The following PKHD1 variants were observed in gnomAD, a reference collection of about 807,000 sequenced individuals.
PKHD1 encodes the protein fibrocystin.
In PKHD1, 291 loss-of-function variants were observed where a neutral mutation model predicts 412.0. The ratio of observed to expected loss-of-function variants is 0.71; its 90% CI spans 0.64 to 0.78. PKHD1 has a LOEUF of 0.78. Among genes scored for constraint, PKHD1 ranks in the 30% least tolerant of loss-of-function variants. The probability of loss-of-function intolerance (pLI) is 0.00; values close to 1 mark genes in which losing one functional copy is unlikely to be tolerated. For synonymous variants in PKHD1, 1,777 were observed against 1,821.5 expected (o/e 0.98, Z 0.62); for missense variants, 4,825 against 4,950.7 (o/e 0.97, Z 0.76).
chr6:51,892,233 A>C (rs915889231), intron 43 of PKHD1, among the ~76,000 whole-genome samples: 4 of 152,210 alleles, frequency 2.6e-5, no homozygotes, highest in African/African-American at 9.7e-5. Flanking sequence ...GTGCTCACCA[A>C]AAGTGACTTT....
At chr6:51,634,648 C>A (rs535179907) in intron 64 of PKHD1, among the ~76,000 whole-genome samples, 1 of 152,246 alleles carries the variant, frequency 6.6e-6, no homozygotes, top group Non-Finnish European at 1.5e-5. Flanking sequence ...TAATGCAAAT[C>A]AATTGCTTTG....
Position 51,870,545 on chromosome 6 carries a change from C to T in PKHD1, c.7445G>A (p.Cys2482Tyr), listed in dbSNP as rs762229397. 1.1e-5 allele frequency: 17 copies of T among 1,611,968 alleles called. No individual in the cohort carries two copies. The East Asian group carries it at 1.8e-4, about 17-fold the overall frequency. ...TTFVNFDLIN[C>Y]VAIRTCSDCS... ...GTCTGAACAGGTTCTAATGGCCACA[C>T]AGTTGATGAGATCAAAATTAACAAA... is the stretch of plus-strand genomic sequence containing the variant. Residue 2482 changes from cysteine (C) to tyrosine (Y), a missense_variant, in exon 47 of 67, where the codon TGT (cysteine) becomes TAT (tyrosine). By Grantham distance (194) the Cys-to-Tyr change is radical. Coordinates refer to ENST00000371117, the MANE Select transcript of PKHD1 (RefSeq NM_138694.4).
intron 11 of PKHD1, among the ~76,000 whole-genome samples, chr6:52,069,123 A>T (rs1810194578): frequency 6.6e-6 from 1 of 152,240 alleles, no homozygotes; most frequent in South Asian, 2.1e-4. Flanking sequence ...TGGATGTTAA[A>T]GTAACTGGAA....
chr6:51,633,813 G>A lies in PKHD1; in HGVS notation c.11507-1090C>T, dbSNP rs188451242. The stretch of plus-strand genomic sequence containing the variant: ...TGGTCCTTATCCTGACTGTGGGGAT[G>A]GTTACATGGATCTATACATGTATTT... On this transcript the variant is annotated intron_variant, in intron 64 of 66. Transcript: ENST00000371117. Among the ~76,000 whole-genome samples the A allele has an allele frequency of 3.3e-3, 501 of 152,140 alleles. 1 individual carries two copies. The highest frequency in any genetic ancestry group is 4.3e-3 in the Non-Finnish European group (289 of 67,978).
At chr6:52,004,732 G>A (rs1403589994) in intron 35 of PKHD1, among the ~76,000 whole-genome samples, 1 of 152,210 alleles carries the variant, frequency 6.6e-6, no homozygotes, top group Non-Finnish European at 1.5e-5. Flanking sequence ...TATTCCTAAA[G>A]TGTGGCCTTT....
intron 35 of PKHD1, among the ~76,000 whole-genome samples, chr6:51,990,290 C>G (rs1321539918): frequency 3.3e-5 from 5 of 152,170 alleles, no homozygotes; most frequent in African/African-American, 1.2e-4. Flanking sequence ...TATCTCTTTA[C>G]ATAGCCTGTG....
At chr6:51,765,143 T>C (rs1788766535) in intron 55 of PKHD1, among the ~76,000 whole-genome samples, 1 of 151,894 alleles carries the variant, frequency 6.6e-6, no homozygotes, top group South Asian at 2.1e-4. Context: ...ATCAGTGTGC[T>C]CCATCAAAAC....
intron 52 of PKHD1, among the ~76,000 whole-genome samples, chr6:51,817,911 C>T (rs1765737941): frequency 6.6e-6 from 1 of 152,208 alleles, no homozygotes; most frequent in African/African-American, 2.4e-5. Flanking sequence ...GTGGGCTATA[C>T]AGACACCATC....
At chr6:51,782,164 A>C (rs1202181813) in intron 53 of PKHD1, among the ~76,000 whole-genome samples, 1 of 152,078 alleles carries the variant, frequency 6.6e-6, no homozygotes, top group African/African-American at 2.4e-5. Flanking sequence ...AAAATTATTA[A>C]AATAGGAAAG....
chr6:51,975,509 AGAAGATATACGGATGGCCAATAAGCACAT>A (rs1008416771), intron 35 of PKHD1, among the ~76,000 whole-genome samples: 62 of 152,234 alleles, frequency 4.1e-4, no homozygotes, highest in African/African-American at 1.5e-3. Flanking sequence ...ATTTTTCCAA[AGAAGATATACGGATGGCCAATAAGCACAT>A]GAAGATGTTC....
At chr6:51,971,673 G>T (rs1213535699) in intron 35 of PKHD1, among the ~76,000 whole-genome samples, 2 of 151,676 alleles carry the variant, frequency 1.3e-5, no homozygotes, top group African/African-American at 2.4e-5. Context: ...GGATAACGAA[G>T]TTTTTTGTTT....
intron 52 of PKHD1, among the ~76,000 whole-genome samples, chr6:51,801,335 G>A (rs1413629053): frequency 1.3e-5 from 2 of 152,144 alleles, no homozygotes; most frequent in Non-Finnish European, 2.9e-5. Context: ...AATTTACTGA[G>A]ATGATGGTAT....
At chr6:51,989,146 T>C (rs1488697922) in intron 35 of PKHD1, among the ~76,000 whole-genome samples, 1 of 152,184 alleles carries the variant, frequency 6.6e-6, no homozygotes, top group African/African-American at 2.4e-5. Flanking sequence ...TTTGCCCTGG[T>C]ACTGACATTT....
At chr6:51,991,463 A>T (rs543168601) in intron 35 of PKHD1, among the ~76,000 whole-genome samples, 1 of 152,318 alleles carries the variant, frequency 6.6e-6, no homozygotes, top group African/African-American at 2.4e-5. Context: ...TTTTCAAAGG[A>T]TAACCTACAT....
intron 58 of PKHD1, 43 bp downstream of exon 58, chr6:51,747,744 G>T: frequency 1.9e-6 from 3 of 1,542,618 alleles, no homozygotes; most frequent in Non-Finnish European, 2.7e-6. Context: ...TTTATGCATG[G>T]ATGTATGAAA....
chr6:52,040,269 AT>A (rs1299680202), intron 27 of PKHD1, among the ~76,000 whole-genome samples: 7 of 152,180 alleles, frequency 4.6e-5, no homozygotes, highest in Admixed American at 3.3e-4. Flanking sequence ...TTATATCTCA[AT>A]TTTTTAAGTT....
At chr6:51,652,559 C>CTTT in intron 61 of PKHD1, among the ~76,000 whole-genome samples, 2 of 9,446 alleles carry the variant, frequency 2.1e-4, no homozygotes, top group Non-Finnish European at 1.5e-4. Flanking sequence ...TTTTATCTCT[C>CTTT]TTGTTTTTTT....
chr6:52,073,529 T>C lies in PKHD1; in HGVS notation c.461A>G (p.His154Arg). ...PPSGVPGKLI[H>R]VYGWIITGRL... ...TCCAGTGATAATCCAGCCATATACATGTATTAGTTTTCCTGTTTGAAGAAG... is the reference window on the plus strand; with the variant it reads ...TCCAGTGATAATCCAGCCATATACACGTATTAGTTTTCCTGTTTGAAGAAG... Residue 154 changes from histidine to arginine, a missense_variant, in exon 7 of 67, where the codon CAT (histidine) becomes CGT (arginine). His to Arg is a conservative substitution (Grantham distance 29, BLOSUM62 0). Transcript: ENST00000371117. 1 of 1,596,308 alleles carries C rather than the reference T, an allele frequency of 6.3e-7. No individual in the cohort carries two copies. Among genetic ancestry groups the C allele is most frequent in the Non-Finnish European group, 8.6e-7 (1 of 1,163,826 alleles).
intron 36 of PKHD1, among the ~76,000 whole-genome samples, chr6:51,942,367 G>A (rs576222761): frequency 2.6e-5 from 4 of 151,802 alleles, no homozygotes; most frequent in South Asian, 2.1e-4. Flanking sequence ...TGCAGCAGCC[G>A]CTGCCGCCCT....
Sources: allele counts gnomAD v4.1 joint callset (sites outside exome capture counted in the v4.1 genomes callset), GRCh38; gene constraint gnomAD v4.1.1; transcripts MANE v1.5; gene names NCBI Gene and HGNC (gene_info 2026-07-23, HGNC 2026-07-21).